Variants in POLD1 observed in about 807,000 individuals in gnomAD.
The protein encoded by POLD1 is DNA polymerase delta catalytic subunit.
Under a neutral mutation model 129.7 loss-of-function variants are expected in POLD1, and 79 were observed. That is an observed-to-expected ratio of 0.61 (90% CI 0.51 to 0.73). POLD1 has a LOEUF of 0.73. Ranked by LOEUF, POLD1 falls within the 30% of genes least tolerant of loss-of-function variation. The pLI, the probability that POLD1 is intolerant of heterozygous loss-of-function variation, is 0.00. For missense variants in POLD1, 1,338 were observed against 1,595.8 expected, an observed-to-expected ratio of 0.84 and a Z score of 2.75; for synonymous variants, 714 against 683.3, an observed-to-expected ratio of 1.04 and a Z score of -0.70.
In POLD1 at chr19:50,404,226, G is replaced by A. The variant is rs3219387; in HGVS notation, c.1242+629G>A. Among the ~76,000 whole-genome samples the A allele has an allele frequency of 1.7e-4, 26 of 151,614 alleles. No homozygotes were observed. In the East Asian group the frequency reaches 3.9e-3, roughly 23 times the overall value. ...TCATCCCCCTGTGCCTCTTCACACC[G>A]TCTTCTCTCTGTGCGTGTCTGTTTC... On this transcript the variant is annotated intron_variant, in intron 10 of 26. Coordinates refer to ENST00000440232, the MANE Select transcript of POLD1 (RefSeq NM_002691.4).
chr19:50,388,318 A>G (rs1467380666), intron 1 of POLD1, among the ~76,000 whole-genome samples: 1 of 152,254 alleles, frequency 6.6e-6, no homozygotes, highest in Non-Finnish European at 1.5e-5. Context: ...TGAATTGTAT[A>G]GTATGTGAAT....
intron 1 of POLD1, among the ~76,000 whole-genome samples, chr19:50,391,688 G>GGGGGGAGGGGGA (rs143257446): frequency 6.7e-6 from 1 of 148,356 alleles, no homozygotes; most frequent in Non-Finnish European, 1.5e-5. Context: ...GAGACTGAGA[G>GGGGGGAGGGGGA]GGGGGAGGGG....
intron 1 of POLD1, among the ~76,000 whole-genome samples, chr19:50,389,158 TA>T (rs1456507958): frequency 6.6e-6 from 1 of 150,926 alleles, no homozygotes; most frequent in Non-Finnish European, 1.5e-5. Context: ...TACAGTATTT[TA>T]CTCTGTCATG....
At position 50,418,012 on chromosome 19, in the gene POLD1, C is replaced by G; in HGVS notation, c.*65C>G. 4.9e-6 allele frequency: 5 copies of G among 1,022,510 alleles called. No homozygotes were observed. Among genetic ancestry groups the G allele is most frequent in the Middle Eastern group, 4.0e-4 (2 of 4,950 alleles). 63.3% of individuals were successfully genotyped at this position (1,022,510 alleles called of 1,614,324 possible). ...GAATTAATAAAGTTCTGGACTTTTGCTATATGGTGCTTTGTGGTCTCTGGG... is the reference window on the plus strand; with the variant it reads ...GAATTAATAAAGTTCTGGACTTTTGGTATATGGTGCTTTGTGGTCTCTGGG... On this transcript the variant is annotated 3_prime_UTR_variant, in exon 27 of 27. Coordinates refer to ENST00000440232, the MANE Select transcript of POLD1 (RefSeq NM_002691.4). This position sits in a 1 kb window ranked among gnomAD's most constrained non-coding sequence, Gnocchi z 6.0.
At position 50,399,499 on chromosome 19, in the gene POLD1, T is replaced by C; in HGVS notation, c.316+15T>C. ...CCATTATGTGGGTGAGTTTAGGGGT[T>C]ATGGGTGAGTGCTGGGGCCCTGCGC... On this transcript the variant is annotated intron_variant, in intron 3 of 26. Coordinates refer to ENST00000440232, the MANE Select transcript of POLD1 (RefSeq NM_002691.4). 6.4e-7 allele frequency: 1 copy of C among 1,562,304 alleles called. No individual in the cohort carries two copies. The highest frequency in any genetic ancestry group is 8.8e-7 in the Non-Finnish European group (1 of 1,132,774).
At chr19:50,415,174 A>C (rs1355892562) in intron 20 of POLD1, among the ~76,000 whole-genome samples, 184 bp downstream of exon 20, 1 of 150,618 alleles carries the variant, frequency 6.6e-6, no homozygotes, top group African/African-American at 2.5e-5. Flanking sequence ...ACAAGAGTCC[A>C]GACCCCCAGC....
At chr19:50,401,391 A>ATTTTTTTTTTTTTTTTTT (rs1203165864) in intron 3 of POLD1, among the ~76,000 whole-genome samples, 2 of 65,992 alleles carry the variant, frequency 3.0e-5, no homozygotes, top group Admixed American at 2.4e-4. Context: ...ATATATATAT[A>ATTTTTTTTTTTTTTTTTT]TTTTTTTTTT....
In POLD1 at chr19:50,389,588, AT is replaced by A. The variant is rs35138965; in HGVS notation, c.-2+5212del. On this transcript the variant is annotated intron_variant, in intron 1 of 26. Transcript: ENST00000440232. Reference sequence around the variant, plus strand: ...TCTTCAAGGCTATAAATAATTTCTTATTTTTTTTTTTTTTCCAAGACTGAGT... The same window carrying A: ...TCTTCAAGGCTATAAATAATTTCTTATTTTTTTTTTTTTCCAAGACTGAGT... 1.8e-3 allele frequency among the ~76,000 whole-genome samples: 262 copies of A among 141,984 alleles called. 1 individual carries two copies. Among genetic ancestry groups the A allele is most frequent in the East Asian group, 7.1e-3 (35 of 4,906 alleles). 93.1% of individuals were successfully genotyped at this position (141,984 alleles called of 152,430 possible). A position where few individuals can be genotyped will look rare whatever the true frequency, so the allele number is the denominator to read the frequency against.
chr19:50,415,402 C>A, intron 20 of POLD1, 36 bp from the exon 21 acceptor site: 1 of 1,593,190 alleles, frequency 6.3e-7, no homozygotes, highest in Non-Finnish European at 8.6e-7. Flanking sequence ...GCCCTCAGTG[C>A]CTTTTGGTGA....
intron 14 of POLD1, among the ~76,000 whole-genome samples, chr19:50,408,145 G>T (rs2038966145): frequency 1.3e-5 from 2 of 151,416 alleles, no homozygotes; most frequent in African/African-American, 4.8e-5. Context: ...GACCATCCTG[G>T]CTAACACGGT....
Position 50,415,580 on chromosome 19 carries a change from C to T in POLD1, c.2707C>T (p.Leu903=). 6.2e-7 allele frequency: 1 copy of T among 1,611,484 alleles called. No homozygotes were observed. Among genetic ancestry groups the T allele is most frequent in the Non-Finnish European group, 8.5e-7 (1 of 1,178,838 alleles). Residue 903 remains leucine, a synonymous_variant, in exon 21 of 27, where the codon CTG becomes TTG. Transcript: ENST00000440232. The part of the protein sequence containing the change: ...DYAGKQAHVE[L]AERMRKRDPG... ...TGCCGGCAAGCAGGCCCACGTGGAG[C>T]TGGCCGAGAGGTCCTGCGCGGGGCG...
chr19:50,396,356 T>TGG (rs3219351), intron 1 of POLD1, among the ~76,000 whole-genome samples: 5,311 of 151,952 alleles, frequency 0.035, 150 homozygotes, highest in South Asian at 0.051. Flanking sequence ...CCCAAAGTGC[T>TGG]GGGATTACAG....
rs201197467 is a variant in POLD1, at chr19:50,407,217, G to T, written c.1686+43G>T. The T allele has an allele frequency of 9.6e-5, 150 of 1,568,330 alleles. No individual in the cohort carries two copies. In the African/African-American group the frequency reaches 1.7e-3, roughly 18 times the overall value. On this transcript the variant is annotated intron_variant, in intron 13 of 26. Transcript: ENST00000440232. The stretch of plus-strand genomic sequence containing the variant: ...GTCCTCGCCACCCCCCACCAGGCAC[G>T]TCTGTGGCCCCCTCCAGGCAATGGC...
At position 50,408,907 on chromosome 19, in the gene POLD1, G is replaced by GTGCCCAAT. The variant is rs2122371139; in HGVS notation, c.1892+8_1892+15dup. Reference sequence around the variant, plus strand: ...GGGACTGCACAGAAACTGGGGTATAGTGCCCAATTCAGCATGTGTCCCCCG... The same window carrying GTGCCCAAT: ...GGGACTGCACAGAAACTGGGGTATAGTGCCCAATTGCCCAATTCAGCATGTGTCCCCCG... On this transcript the variant is annotated splice_region_variant and intron_variant, in intron 15 of 26. Transcript: ENST00000440232. 1 of 1,607,418 alleles carries GTGCCCAAT rather than the reference G, an allele frequency of 6.2e-7. No individual in the cohort carries two copies. The highest frequency in any genetic ancestry group is 8.5e-7 in the Non-Finnish European group (1 of 1,176,482).
chr19:50,404,752 CT>C (rs2038810017), intron 10 of POLD1, among the ~76,000 whole-genome samples: 1 of 146,400 alleles, frequency 6.8e-6, no homozygotes, highest in Non-Finnish European at 1.5e-5. Context: ...CAAATTTTTG[CT>C]TTTTTGTTAT....
chr19:50,389,804 T>TC (rs2038091470), intron 1 of POLD1, among the ~76,000 whole-genome samples: 1 of 151,812 alleles, frequency 6.6e-6, no homozygotes, highest in Admixed American at 6.6e-5. Context: ...CAGGCTGGTC[T>TC]CGAACCCCTG....
chr19:50,408,048 A>G (rs2038962988), intron 14 of POLD1, among the ~76,000 whole-genome samples: 1 of 150,590 alleles, frequency 6.6e-6, no homozygotes, highest in African/African-American at 2.4e-5. Context: ...AAATAAATTA[A>G]TAGGCCAGGC....
chr19:50,389,066 T>C (rs1385138559), intron 1 of POLD1, among the ~76,000 whole-genome samples: 2 of 151,780 alleles, frequency 1.3e-5, no homozygotes, highest in African/African-American at 4.8e-5. Context: ...CTCCTGACCT[T>C]ATGATCTACG....
At position 50,399,405 on chromosome 19, in the gene POLD1, G is replaced by A; in HGVS notation, c.237G>A (p.Trp79Ter). 1 of 1,614,144 alleles carries A rather than the reference G, an allele frequency of 6.2e-7. No individual in the cohort carries two copies. Among genetic ancestry groups the A allele is most frequent in the Non-Finnish European group, 8.5e-7 (1 of 1,179,984 alleles). The change falls in exon 3 of 27, where the codon TGG becomes TGA. Residue 79 changes from tryptophan to a stop codon, truncating the protein, a stop_gained. Coordinates refer to ENST00000440232, the MANE Select transcript of POLD1 (RefSeq NM_002691.4). LOFTEE classifies it high-confidence loss of function. ...CACCATCAGCCATAGATCCTCGCTG[G>A]CTTCGGCCCACACCACCAGCGCTGG... ...QVPPSAIDPR[W>*]LRPTPPALDP...
Sources: gnomAD v4.1 joint callset for allele counts (sites outside exome capture counted in the v4.1 genomes callset) on GRCh38, gnomAD v4.1.1 for gene constraint, Gnocchi (gnomAD v3.1) non-coding constraint, MANE v1.5 for transcripts, NCBI Gene and HGNC (gene_info 2026-07-23, HGNC 2026-07-21) for gene names.